The following CPED1 variants were observed in gnomAD, a reference collection of about 807,000 sequenced individuals.
CPED1 encodes cadherin-like and PC-esterase domain-containing protein 1.
In CPED1, 114 loss-of-function variants were observed where a neutral mutation model predicts 128.2. That is an observed-to-expected ratio of 0.89 (90% CI 0.76 to 1.04). CPED1 has a LOEUF of 1.04. CPED1 is among the 50% of genes least tolerant of loss of function. The pLI, the probability that CPED1 is intolerant of heterozygous loss-of-function variation, is 0.00. For missense variants in CPED1, 1,211 were observed against 1,207.1 expected, an observed-to-expected ratio of 1.00 and a Z score of -0.05; for synonymous variants, 462 against 426.7, an observed-to-expected ratio of 1.08 and a Z score of -1.02.
At chr7:121,194,052 T>TTA (rs1797214768) in intron 16 of CPED1, among the ~76,000 whole-genome samples, 2 of 122,688 alleles carry the variant, frequency 1.6e-5, no homozygotes, top group Non-Finnish European at 3.5e-5. Context: ...ATATATATTT[T>TTA]TTTTTTTTTT....
intron 16 of CPED1, among the ~76,000 whole-genome samples, chr7:121,226,106 T>A (rs1474299207): frequency 6.6e-6 from 1 of 152,128 alleles, no homozygotes; most frequent in East Asian, 1.9e-4. Context: ...GTTTTCCCCA[T>A]CGTTATGGTT....
At chr7:121,093,035 G>T (rs528239577) in intron 5 of CPED1, among the ~76,000 whole-genome samples, 1 of 152,012 alleles carries the variant, frequency 6.6e-6, no homozygotes. Context: ...GAAGATTTTT[G>T]TTCTCTTCTA....
rs1468120904 is a variant in CPED1, at chr7:121,266,274, T to C, written c.2358T>C (p.Leu786=). 6.2e-7 allele frequency: 1 copy of C among 1,613,022 alleles called. No homozygotes were observed. Among genetic ancestry groups the C allele is most frequent in the Non-Finnish European group, 8.5e-7 (1 of 1,179,384 alleles). The change falls in exon 19 of 23, where the codon CTT becomes CTC. Residue 786 remains leucine, a synonymous_variant. Transcript: ENST00000310396. ...CCAACAGAGGGATCATGTACTATCT[T>C]ATTGAAAGGCTGAATGAAACGTTGC... ...DSTNRGIMYY[L]IERLNETLQE...
intron 5 of CPED1, among the ~76,000 whole-genome samples, chr7:121,081,429 A>G (rs1039412115): frequency 6.6e-5 from 10 of 152,140 alleles, no homozygotes; most frequent in African/African-American, 2.4e-4. Flanking sequence ...CATGAACTCT[A>G]TTATATAGAA....
chr7:121,100,611 AT>A (rs1794824981), intron 7 of CPED1, among the ~76,000 whole-genome samples: 1 of 152,206 alleles, frequency 6.6e-6, no homozygotes, highest in African/African-American at 2.4e-5. Context: ...GAAGAACTCA[AT>A]AATAATCCCA....
intron 3 of CPED1, among the ~76,000 whole-genome samples, chr7:121,043,762 T>G (rs1194776704): frequency 2.0e-5 from 3 of 152,142 alleles, no homozygotes; most frequent in Non-Finnish European, 4.4e-5. Flanking sequence ...AGCTTCCAAG[T>G]TTTCAAATAA....
At chr7:120,991,778 A>T (rs1796313187) in intron 2 of CPED1, among the ~76,000 whole-genome samples, 1 of 152,188 alleles carries the variant, frequency 6.6e-6, no homozygotes, top group South Asian at 2.1e-4. Context: ...CAAACACATG[A>T]TGAATTTCGT....
intron 2 of CPED1, among the ~76,000 whole-genome samples, chr7:121,003,011 A>G (rs1256039068): frequency 6.6e-6 from 1 of 152,212 alleles, no homozygotes; most frequent in Non-Finnish European, 1.5e-5. Flanking sequence ...GGCAGAGACC[A>G]AGTTTACACA....
intron 5 of CPED1, among the ~76,000 whole-genome samples, chr7:121,085,996 A>G (rs981954822): frequency 6.6e-6 from 1 of 152,200 alleles, no homozygotes; most frequent in African/African-American, 2.4e-5. Context: ...CAAATATTGC[A>G]GAAGCAGGAA....
intron 4 of CPED1, among the ~76,000 whole-genome samples, chr7:121,062,221 A>G (rs773666099): frequency 6.6e-5 from 10 of 152,192 alleles, no homozygotes; most frequent in Non-Finnish European, 1.2e-4. Flanking sequence ...TCTCTTTCTG[A>G]ATCATATTGT....
intron 16 of CPED1, among the ~76,000 whole-genome samples, chr7:121,185,505 T>C (rs555935694): frequency 6.6e-6 from 1 of 152,108 alleles, no homozygotes; most frequent in Non-Finnish European, 1.5e-5. Context: ...TTGATGCCTA[T>C]AAGGCATCAA....
intron 16 of CPED1, among the ~76,000 whole-genome samples, chr7:121,152,385 A>G (rs995815245): frequency 6.6e-6 from 1 of 152,234 alleles, no homozygotes; most frequent in Non-Finnish European, 1.5e-5. Flanking sequence ...CAGCTTTCAA[A>G]GGTTTAAGAA....
chr7:121,269,184 C>T (rs1792188371), intron 21 of CPED1, among the ~76,000 whole-genome samples: 1 of 152,010 alleles, frequency 6.6e-6, no homozygotes, highest in Non-Finnish European at 1.5e-5. Flanking sequence ...CTTGTAGACC[C>T]CAGTGTCCAT....
chr7:121,044,648 C>CTTTTTTTTTGTTTTTTTTTTT (rs35159862), intron 3 of CPED1, among the ~76,000 whole-genome samples: 1 of 69,540 alleles, frequency 1.4e-5, no homozygotes. Flanking sequence ...TGACTTTCTG[C>CTTTTTTTTTGTTTTTTTTTTT]TCTTTTTTTT....
chr7:121,199,818 G>T, intron 16 of CPED1, among the ~76,000 whole-genome samples: 1 of 151,962 alleles, frequency 6.6e-6, no homozygotes, highest in East Asian at 1.9e-4. Context: ...AAATTTTCCT[G>T]TAGCCACATT....
At chr7:121,022,944 A>G (rs1792480868) in intron 3 of CPED1, among the ~76,000 whole-genome samples, 1 of 152,018 alleles carries the variant, frequency 6.6e-6, no homozygotes, top group African/African-American at 2.4e-5. Flanking sequence ...AGACACCATC[A>G]AATTATTATC....
chr7:121,120,014 A>G (rs1489330469), intron 7 of CPED1, among the ~76,000 whole-genome samples: 2 of 152,130 alleles, frequency 1.3e-5, no homozygotes, highest in African/African-American at 4.8e-5. Context: ...AGGCTGAATA[A>G]TATTTGTTGT....
Position 121,296,486 on chromosome 7 carries a change from C to T in CPED1, c.*834C>T, listed in dbSNP as rs538215618. 6.6e-6 allele frequency: 1 copy of T among 152,138 alleles called. No homozygotes were observed. The highest frequency in any genetic ancestry group is 2.1e-4 in the South Asian group (1 of 4,818). 9.4% of individuals were successfully genotyped at this position (152,138 alleles called of 1,614,324 possible). A position where few individuals can be genotyped will look rare whatever the true frequency, so the allele number is the denominator to read the frequency against. ...AAATCTTGTGTTTGCCATTACAGCCCTATGTAACTTAAAATTACAATTATA... is the reference window on the plus strand; with the variant it reads ...AAATCTTGTGTTTGCCATTACAGCCTTATGTAACTTAAAATTACAATTATA... On this transcript the variant is annotated 3_prime_UTR_variant, in exon 23 of 23. Transcript: ENST00000310396.
intron 7 of CPED1, among the ~76,000 whole-genome samples, chr7:121,118,576 G>C (rs1285351221): frequency 1.4e-5 from 2 of 141,366 alleles, no homozygotes; most frequent in Non-Finnish European, 3.0e-5. Context: ...AAAAAAAACA[G>C]AGAGAGAAAG....
Sources: gnomAD v4.1 joint callset for allele counts (sites outside exome capture counted in the v4.1 genomes callset) on GRCh38, gnomAD v4.1.1 for gene constraint, MANE v1.5 for transcripts, NCBI Gene and HGNC (gene_info 2026-07-23, HGNC 2026-07-21) for gene names.